Variants in CYREN observed in about 807,000 individuals in gnomAD.
CYREN encodes the protein cell cycle regulator of non-homologous end joining.
A neutral mutation model predicts 9.7 loss-of-function variants in CYREN; 7 were observed. That is an observed-to-expected ratio of 0.72 (90% CI 0.41 to 1.36). The LOEUF (loss-of-function observed/expected upper bound fraction) is 1.36, where lower values mean the gene tolerates loss of function less well. CYREN is among the 40% of genes most tolerant of loss of function. The pLI, the probability that CYREN is intolerant of heterozygous loss-of-function variation, is 0.01. For missense variants in CYREN, 215 were observed against 198.1 expected (o/e 1.09, Z -0.51); for synonymous variants, 76 against 77.9 (o/e 0.98, Z 0.13).
intron 2 of CYREN, among the ~76,000 whole-genome samples, chr7:135,139,373 G>A (rs1050224864): frequency 1.3e-5 from 2 of 151,142 alleles, no homozygotes; most frequent in Non-Finnish European, 3.0e-5. Flanking sequence ...TGTTGGCCAT[G>A]TGTATGTCTT....
chr7:135,161,337 AT>A (rs919263873), downstream of CYREN, among the ~76,000 whole-genome samples: 6 of 152,040 alleles, frequency 3.9e-5, no homozygotes, highest in Non-Finnish European at 5.9e-5. The surrounding 1 kb of genome is among the most constrained non-coding windows in gnomAD (Gnocchi z 4.1). Flanking sequence ...ACGTTTAATA[AT>A]TTTTTTTGGA....
intron 2 of CYREN, among the ~76,000 whole-genome samples, chr7:135,119,191 G>A (rs1425277498): frequency 6.6e-6 from 1 of 151,624 alleles, no homozygotes; most frequent in African/African-American, 2.4e-5. Context: ...CCATTAATAG[G>A]ATACACCCAA....
intron 2 of CYREN, chr7:135,129,349 T>G (rs4498486): frequency 0.51 from 519,432 of 1,018,446 alleles, 136,341 homozygotes; most frequent in South Asian, 0.66. Flanking sequence ...ATAGACTTAC[T>G]AAATGAATAC....
In CYREN at chr7:135,151,895, T is replaced by C. The variant is rs1829674436; in HGVS notation, n.356+16854A>G. 6.6e-6 allele frequency among the ~76,000 whole-genome samples: 1 copy of C among 151,926 alleles called. No individual in the cohort carries two copies. Among genetic ancestry groups the C allele is most frequent in the Non-Finnish European group, 1.5e-5 (1 of 67,958 alleles). On this transcript the variant is annotated intron_variant and non_coding_transcript_variant, in intron 2 of 2. Coordinates refer to the CYREN transcript ENST00000459937. This position sits in a 1 kb window ranked among gnomAD's most constrained non-coding sequence, Gnocchi z 4.3. ...CTCAACAGGCAGCTGCATCCTGGAG[T>C]CATCACAACCAAACATAAATGAGAC...
chr7:135,100,298 T>TG (rs1447885360), intron 2 of CYREN, among the ~76,000 whole-genome samples: 1 of 151,934 alleles, frequency 6.6e-6, no homozygotes, highest in Admixed American at 6.6e-5. Context: ...GCACTGGTCA[T>TG]GGGGGGATAA....
chr7:135,135,295 A>C (rs1829294828), intron 2 of CYREN: 2 of 1,443,360 alleles, frequency 1.4e-6, no homozygotes, highest in African/African-American at 2.9e-5. Context: ...ACTGTGAATG[A>C]AGGATAACAT....
intron 2 of CYREN, among the ~76,000 whole-genome samples, chr7:135,157,304 G>A (rs185279140): frequency 5.1e-4 from 77 of 152,318 alleles, no homozygotes; most frequent in African/African-American, 7.2e-4. Context: ...GCCTGCAGTC[G>A]TGTGATCTTT....
intron 2 of CYREN, among the ~76,000 whole-genome samples, chr7:135,159,872 G>C (rs1829883954): frequency 6.6e-6 from 1 of 152,124 alleles, no homozygotes; most frequent in Non-Finnish European, 1.5e-5. Context: ...AAGAATAAAA[G>C]ACTCAAGAAT....
downstream of CYREN, chr7:135,164,430 A>T (rs1830028443): frequency 2.5e-6 from 4 of 1,587,880 alleles, no homozygotes; most frequent in Non-Finnish European, 3.5e-6. Context: ...CCCCCGGCAG[A>T]GGGCAGTAGA....
intron 2 of CYREN, among the ~76,000 whole-genome samples, chr7:135,142,201 A>T (rs1829465176): frequency 6.6e-6 from 1 of 150,986 alleles, no homozygotes; most frequent in Non-Finnish European, 1.5e-5. Context: ...TGAGATCTGC[A>T]GCTGCATTTG....
chr7:135,162,371 A>C (rs886483832), downstream of CYREN, among the ~76,000 whole-genome samples: 1 of 152,198 alleles, frequency 6.6e-6, no homozygotes, highest in African/African-American at 2.4e-5. Context: ...CTTGTGCCTC[A>C]CAAAGCTTGA....
intron 2 of CYREN, among the ~76,000 whole-genome samples, chr7:135,096,582 TAC>T (rs1822808478): frequency 2.8e-5 from 1 of 35,692 alleles, no homozygotes; most frequent in African/African-American, 9.3e-5. Context: ...GATAGATAGA[TAC>T]ATAGATAGAT....
intron 2 of CYREN, among the ~76,000 whole-genome samples, chr7:135,113,806 C>T (rs773673351): frequency 2.6e-5 from 4 of 152,188 alleles, no homozygotes; most frequent in Non-Finnish European, 5.9e-5. Flanking sequence ...TATTCCTCTG[C>T]AATTCTCCCT....
At chr7:135,171,081 T>G (rs1380297028), upstream of CYREN, among the ~76,000 whole-genome samples, 2 of 152,190 alleles carry the variant, frequency 1.3e-5, no homozygotes, top group African/African-American at 2.4e-5. Context: ...CCTCGTGTGC[T>G]TGAGGAGGAT....
At chr7:135,144,920 G>T (rs1256000835) in intron 2 of CYREN, among the ~76,000 whole-genome samples, 3 of 106,440 alleles carry the variant, frequency 2.8e-5, no homozygotes, top group African/African-American at 1.1e-4. Flanking sequence ...GTGACAGAGA[G>T]ACCCTGTCTC....
chr7:135,167,951 C>A, intron 2 of CYREN, 144 bp from the exon 3 acceptor site: 1 of 1,397,860 alleles, frequency 7.2e-7, no homozygotes, highest in East Asian at 2.5e-5. Context: ...AGCTTTCTGA[C>A]ACGGACACAA....
At chr7:135,164,779 G>A (rs914808725), downstream of CYREN, 3 of 1,614,222 alleles carry the variant, frequency 1.9e-6, no homozygotes, top group South Asian at 3.3e-5. Flanking sequence ...GAGAGAGCGT[G>A]GCGGCTGGCA....
intron 2 of CYREN, among the ~76,000 whole-genome samples, chr7:135,112,584 A>G (rs578115482): frequency 6.6e-6 from 1 of 152,196 alleles, no homozygotes; most frequent in African/African-American, 2.4e-5. Context: ...GCCCCCATCT[A>G]TAAGTATGGC....
At chr7:135,112,976 C>A (rs540450597) in intron 2 of CYREN, among the ~76,000 whole-genome samples, 1 of 152,160 alleles carries the variant, frequency 6.6e-6, no homozygotes, top group African/African-American at 2.4e-5. Flanking sequence ...AGGGTTTCAC[C>A]CTGTTGGCCA....
Sources: allele counts gnomAD v4.1 joint callset (sites outside exome capture counted in the v4.1 genomes callset), GRCh38; gene constraint gnomAD v4.1.1; non-coding constraint Gnocchi (gnomAD v3.1); transcripts MANE v1.5; gene names NCBI Gene and HGNC (gene_info 2026-07-23, HGNC 2026-07-21).